RIPK1: variants seen among roughly 807,000 people sequenced by gnomAD.
RIPK1 encodes the protein receptor interacting serine/threonine kinase 1.
A neutral mutation model predicts 62.4 loss-of-function variants in RIPK1; 27 were observed. The ratio of observed to expected loss-of-function variants is 0.43; its 90% CI spans 0.32 to 0.60. The LOEUF is 0.60. Among genes scored for constraint, RIPK1 ranks in the 20% least tolerant of loss-of-function variants. The probability of loss-of-function intolerance (pLI) is 0.07; values close to 1 mark genes in which losing one functional copy is unlikely to be tolerated. For synonymous variants in RIPK1, 287 were observed against 303.2 expected (o/e 0.95, Z 0.55); for missense variants, 735 against 831.0 (o/e 0.88, Z 1.42).
chr6:3,068,162 C>T (rs1371888292), upstream of RIPK1: 14 of 964,956 alleles, frequency 1.5e-5, no homozygotes, highest in Non-Finnish European at 1.6e-5. Flanking sequence ...CACATTTCCT[C>T]CTCAACAGCC....
chr6:3,069,961 A>T (rs1322051440), intron 1 of RIPK1, among the ~76,000 whole-genome samples: 2 of 152,088 alleles, frequency 1.3e-5, no homozygotes, highest in Non-Finnish European at 2.9e-5. Context: ...CAGTGAGCCG[A>T]GATTGCCACT....
intron 7 of RIPK1, among the ~76,000 whole-genome samples, chr6:3,094,151 G>T (rs1156329354): frequency 7.1e-6 from 1 of 139,950 alleles, no homozygotes; most frequent in Non-Finnish European, 1.5e-5. Context: ...GTACCTACCT[G>T]CCGCACCTAG....
chr6:3,111,900 TAG>T (rs1418719422), intron 10 of RIPK1, among the ~76,000 whole-genome samples: 1 of 152,090 alleles, frequency 6.6e-6, no homozygotes. Context: ...AAGATATGGA[TAG>T]AGAGAGAGCC....
intron 9 of RIPK1, among the ~76,000 whole-genome samples, chr6:3,107,339 G>A (rs1367743436): frequency 1.3e-5 from 2 of 149,414 alleles, no homozygotes; most frequent in South Asian, 2.1e-4. Flanking sequence ...GGAAGATCAC[G>A]AGGTCAGGAG....
rs78462555 is a variant in RIPK1, at chr6:3,076,219, A to G, written c.-60-545A>G. Among the ~76,000 whole-genome samples, 4 of 152,168 alleles carry G rather than the reference A, an allele frequency of 2.6e-5. No individual in the cohort carries two copies. The East Asian group carries it at 5.8e-4, about 22-fold the overall frequency. On this transcript the variant is annotated intron_variant, in intron 1 of 10. Coordinates refer to ENST00000259808, the MANE Select transcript of RIPK1 (RefSeq NM_001354930.2). ...GGTTCTTAAAATTTTCTAATGCTCC[A>G]TATTGCCAGAAATAAAAAGGCTGAG...
chr6:3,076,819 T>G lies in RIPK1; in HGVS notation c.-5T>G. On this transcript the variant is annotated 5_prime_UTR_variant, in exon 2 of 11. Coordinates refer to ENST00000259808, the MANE Select transcript of RIPK1 (RefSeq NM_001354930.2). ...GTACCATTTTGGGCGTTCTTGAGCT[T>G]CAGAATGCAACCAGACATGTCCTTG... is the stretch of plus-strand genomic sequence containing the variant. The G allele has an allele frequency of 6.2e-7, 1 of 1,612,508 alleles. No individual in the cohort carries two copies.
intron 4 of RIPK1, 145 bp from the exon 5 acceptor site, chr6:3,082,940 T>C (rs755193116): frequency 4.3e-6 from 3 of 701,794 alleles, no homozygotes; most frequent in Non-Finnish European, 7.5e-6. Flanking sequence ...TGTTGAGAAG[T>C]CGCTGTTTTG....
chr6:3,071,812 G>C lies in RIPK1; in HGVS notation c.-61+3151G>C, dbSNP rs577007076. 2.0e-5 allele frequency among the ~76,000 whole-genome samples: 3 copies of C among 152,230 alleles called. No individual in the cohort carries two copies. In the South Asian group the frequency reaches 6.2e-4, roughly 32 times the overall value. ...ACTAGAGGCCTTCCCAAACTCCACC[G>C]CACACAGCAGCACCTGCAGGTCCTA... is the stretch of plus-strand genomic sequence containing the variant. On this transcript the variant is annotated intron_variant, in intron 1 of 10. Coordinates refer to ENST00000259808, the MANE Select transcript of RIPK1 (RefSeq NM_001354930.2).
intron 4 of RIPK1, 93 bp from the exon 5 acceptor site, chr6:3,082,992 T>C: frequency 8.2e-7 from 1 of 1,223,206 alleles, no homozygotes; most frequent in Non-Finnish European, 1.2e-6. Flanking sequence ...TTACCGTACC[T>C]TATGTATAAT....
chr6:3,069,422 C>T lies in RIPK1; in HGVS notation c.-61+761C>T, dbSNP rs574031100. 1.2e-3 allele frequency among the ~76,000 whole-genome samples: 178 copies of T among 152,024 alleles called. 1 individual carries two copies. The highest frequency in any genetic ancestry group is 6.8e-3 in the Middle Eastern group (2 of 294). Reference sequence around the variant, plus strand: ...TGGGAAGAGGATAGGCTGCATCCTCCTTCCCTAAGCATTTGACAAAGCCTC... The same window carrying T: ...TGGGAAGAGGATAGGCTGCATCCTCTTTCCCTAAGCATTTGACAAAGCCTC... On this transcript the variant is annotated intron_variant, in intron 1 of 10. Transcript: ENST00000259808.
At chr6:3,112,966 T>C in intron 10 of RIPK1, 87 bp from the exon 11 acceptor site, 1 of 1,165,916 alleles carries the variant, frequency 8.6e-7, no homozygotes, top group Non-Finnish European at 1.2e-6. Context: ...GTACTCTTCA[T>C]TTCACTTGGG....
chr6:3,104,457 ATAT>A, intron 8 of RIPK1, 142 bp downstream of exon 8: 1 of 572,520 alleles, frequency 1.7e-6, no homozygotes, highest in Non-Finnish European at 3.1e-6. Flanking sequence ...ATTTATAATA[ATAT>A]TCGAGAGTCA....
chr6:3,070,175 A>C (rs966187181), intron 1 of RIPK1, among the ~76,000 whole-genome samples: 3 of 152,198 alleles, frequency 2.0e-5, no homozygotes, highest in African/African-American at 7.2e-5. Context: ...AACTATACTG[A>C]GCCTCAGAGA....
intron 1 of RIPK1, among the ~76,000 whole-genome samples, chr6:3,075,977 A>G (rs1285953305): frequency 3.3e-5 from 5 of 151,642 alleles, no homozygotes; most frequent in African/African-American, 1.2e-4. Context: ...GGGATTCTTC[A>G]TTCTACCTTC....
chr6:3,083,052 C>T, intron 4 of RIPK1, 33 bp from the exon 5 acceptor site: 1 of 1,604,552 alleles, frequency 6.2e-7, no homozygotes, highest in Non-Finnish European at 8.5e-7. Flanking sequence ...CGGCCTTCAC[C>T]AAACAATCCC....
chr6:3,074,730 CAGTG>C (rs67432438), intron 1 of RIPK1, among the ~76,000 whole-genome samples: 134,480 of 151,852 alleles, frequency 0.89, 59,894 homozygotes, highest in Middle Eastern at 0.95. Flanking sequence ...AGCTGGAGTG[CAGTG>C]AGTGGCATGC....
intron 1 of RIPK1, among the ~76,000 whole-genome samples, chr6:3,070,340 C>T (rs936796153): frequency 6.6e-6 from 1 of 152,148 alleles, no homozygotes; most frequent in Non-Finnish European, 1.5e-5. Context: ...TACTTAATTT[C>T]CCATGCTTTA....
Position 3,083,087 on chromosome 6 carries a change from C to T in RIPK1, c.462C>T (p.Ile154=), listed in dbSNP as rs768727316. 19 of 1,613,846 alleles carry T rather than the reference C, an allele frequency of 1.2e-5. No individual in the cohort carries two copies. Among genetic ancestry groups the T allele is most frequent in the South Asian group, 5.5e-5 (5 of 91,066 alleles). ...ILVDNDFHIK[I]ADLGLASFKM... ...CAGTGGCTCAATGTCTTTCGCAGAT[C>T]GCAGACCTCGGCCTTGCCTCCTTTA... Residue 154 remains isoleucine (I), a splice_region_variant and synonymous_variant, in exon 5 of 11, where the codon ATC becomes ATT. Coordinates refer to ENST00000259808, the MANE Select transcript of RIPK1 (RefSeq NM_001354930.2).
At chr6:3,084,457 T>C (rs917377983) in intron 5 of RIPK1, among the ~76,000 whole-genome samples, 7 of 20,410 alleles carry the variant, frequency 3.4e-4, no homozygotes, top group African/African-American at 8.5e-4. Context: ...TCTGTTGATA[T>C]CCTGCTTCTC....
Sources: gnomAD v4.1 joint callset for allele counts (sites outside exome capture counted in the v4.1 genomes callset) on GRCh38, gnomAD v4.1.1 for gene constraint, MANE v1.5 for transcripts, NCBI Gene and HGNC (gene_info 2026-07-23, HGNC 2026-07-21) for gene names.